The following GALNT13 variants were observed in gnomAD, a reference collection of about 807,000 sequenced individuals.
GALNT13 encodes polypeptide N-acetylgalactosaminyltransferase 13, also known as UDP-GalNAc:polypeptide N-acetylgalactosaminyltransferase 13.
In GALNT13, 28 loss-of-function variants were observed where a neutral mutation model predicts 64.2. The observed-to-expected ratio is 0.44, with a 90% CI of 0.32 to 0.60. The LOEUF (loss-of-function observed/expected upper bound fraction) is 0.60. Ranked by LOEUF, GALNT13 falls within the 20% of genes least tolerant of loss-of-function variation. The pLI, the probability that GALNT13 is intolerant of heterozygous loss-of-function variation, is 0.05. For missense variants in GALNT13, 577 were observed against 669.8 expected (o/e 0.86, Z 1.53); for synonymous variants, 214 against 224.6 (o/e 0.95, Z 0.42).
At chr2:153,630,801 ATATATATTTTTTTTT>A in the GALNT13 span, among the ~76,000 whole-genome samples, 20 of 17,242 alleles carry the variant, frequency 1.2e-3, no homozygotes, top group African/African-American at 3.7e-3. Flanking sequence ...ATATATATAT[ATATATATTTTTTTTT>A]TTTTTTTTAT....
chr2:154,261,259 T>G (rs1286805018), intron 8 of GALNT13, among the ~76,000 whole-genome samples: 2 of 152,186 alleles, frequency 1.3e-5, no homozygotes, highest in African/African-American at 4.8e-5. Flanking sequence ...TTATTGGGAT[T>G]ATTAGGAAAT....
chr2:153,821,807 A>G, the GALNT13 span, among the ~76,000 whole-genome samples: 4 of 152,154 alleles, frequency 2.6e-5, no homozygotes, highest in Admixed American at 2.6e-4. Flanking sequence ...AATTCTCTTA[A>G]AGGGTAAACA....
chr2:153,544,166 G>A, the GALNT13 span, among the ~76,000 whole-genome samples: 1 of 152,188 alleles, frequency 6.6e-6, no homozygotes, highest in East Asian at 1.9e-4. Flanking sequence ...TGATTTCTGG[G>A]TCATAAATCC....
At chr2:153,666,856 G>A in the GALNT13 span, among the ~76,000 whole-genome samples, 2 of 152,136 alleles carry the variant, frequency 1.3e-5, no homozygotes, top group African/African-American at 2.4e-5. Flanking sequence ...CAGAATCAGG[G>A]TGGAAATGAA....
chr2:154,175,031 G>A (rs1049797179), intron 4 of GALNT13, among the ~76,000 whole-genome samples: 1 of 152,042 alleles, frequency 6.6e-6, no homozygotes, highest in Non-Finnish European at 1.5e-5. Flanking sequence ...ATAATAACTA[G>A]TATATTTTTC....
chr2:153,123,991 A>T, the GALNT13 span, among the ~76,000 whole-genome samples: 2 of 152,178 alleles, frequency 1.3e-5, no homozygotes, highest in Non-Finnish European at 2.9e-5. Flanking sequence ...GAGGTTATAA[A>T]AGACTGTGAG....
intron 7 of GALNT13, among the ~76,000 whole-genome samples, chr2:154,255,695 G>C (rs1299669199): frequency 6.6e-6 from 1 of 152,054 alleles, no homozygotes; most frequent in African/African-American, 2.4e-5. Context: ...TTTCATGATT[G>C]AGATAATTTA....
At chr2:154,087,444 T>C (rs1701587507) in intron 3 of GALNT13, among the ~76,000 whole-genome samples, 1 of 152,058 alleles carries the variant, frequency 6.6e-6, no homozygotes, top group Non-Finnish European at 1.5e-5. Context: ...CATCTTGCAG[T>C]TTCTCCAAAT....
At chr2:154,282,410 A>G (rs2105942115) in intron 8 of GALNT13, among the ~76,000 whole-genome samples, 1 of 152,284 alleles carries the variant, frequency 6.6e-6, no homozygotes, top group African/African-American at 2.4e-5. Context: ...AAGTAGGAAA[A>G]GTTTTATTTA....
chr2:153,283,152 A>G, the GALNT13 span, among the ~76,000 whole-genome samples: 1 of 152,280 alleles, frequency 6.6e-6, no homozygotes, highest in South Asian at 2.1e-4. Context: ...CAAGAAAAAG[A>G]TGGGAGGGGC....
intron 3 of GALNT13, among the ~76,000 whole-genome samples, chr2:154,053,140 C>G (rs1699728936): frequency 6.6e-6 from 1 of 152,092 alleles, no homozygotes; most frequent in South Asian, 2.1e-4. Flanking sequence ...GAACTTAGTT[C>G]TTAAAGATAT....
the GALNT13 span, among the ~76,000 whole-genome samples, chr2:153,080,792 T>C: frequency 6.6e-6 from 1 of 152,102 alleles, no homozygotes. Flanking sequence ...TTATGTAATG[T>C]TTTGCTGTGT....
At chr2:153,874,094 G>A (rs530488983) in intron 1 of GALNT13, among the ~76,000 whole-genome samples, 1 of 113,358 alleles carries the variant, frequency 8.8e-6, no homozygotes, top group African/African-American at 3.5e-5. Flanking sequence ...CCCCCCTCCC[G>A]CAATCTCTGT....
chr2:153,919,674 T>A (rs1408483180), intron 2 of GALNT13, among the ~76,000 whole-genome samples: 1 of 151,834 alleles, frequency 6.6e-6, no homozygotes, highest in African/African-American at 2.4e-5. Flanking sequence ...TTTGAATGAA[T>A]CTTAAAGGAT....
At chr2:154,274,941 C>T (rs1412340533) in intron 8 of GALNT13, among the ~76,000 whole-genome samples, 1 of 152,064 alleles carries the variant, frequency 6.6e-6, no homozygotes, top group African/African-American at 2.4e-5. Flanking sequence ...CAACAAAGTC[C>T]AGGCTGAGGT....
the GALNT13 span, among the ~76,000 whole-genome samples, chr2:153,631,849 T>G: frequency 1.3e-5 from 2 of 152,210 alleles, no homozygotes; most frequent in Admixed American, 6.5e-5. Flanking sequence ...TTGTTGCCAT[T>G]GCTTTTGGTG....
chr2:154,218,565 A>G (rs1559031530), intron 4 of GALNT13, among the ~76,000 whole-genome samples: 2 of 152,018 alleles, frequency 1.3e-5, no homozygotes, highest in Admixed American at 1.3e-4. Context: ...GTTTTCCAAA[A>G]TCATTATTGG....
intron 9 of GALNT13, among the ~76,000 whole-genome samples, chr2:154,356,882 T>C (rs1696781198): frequency 6.6e-6 from 1 of 151,908 alleles, no homozygotes; most frequent in African/African-American, 2.4e-5. Flanking sequence ...CCTATAGTTA[T>C]TATGTCTTCC....
chr2:153,478,959 T>C, the GALNT13 span, among the ~76,000 whole-genome samples: 7 of 152,038 alleles, frequency 4.6e-5, no homozygotes, highest in Non-Finnish European at 1.0e-4. Flanking sequence ...TCTTGGGAGG[T>C]GGAGGAAGCA....
Sources: gnomAD v4.1 joint callset for allele counts (sites outside exome capture counted in the v4.1 genomes callset) on GRCh38, gnomAD v4.1.1 for gene constraint, MANE v1.5 for transcripts, NCBI Gene and HGNC (gene_info 2026-07-23, HGNC 2026-07-21) for gene names.